Variants in TNRC18 observed in about 807,000 individuals in gnomAD.
TNRC18 encodes trinucleotide repeat containing 18.
A neutral mutation model predicts 226.7 loss-of-function variants in TNRC18; 69 were observed. That is an observed-to-expected ratio of 0.30 (90% CI 0.25 to 0.37). TNRC18 has a LOEUF of 0.37. TNRC18 is among the 10% of genes least tolerant of loss of function. The probability of loss-of-function intolerance (pLI) is 1.00; values close to 1 mark genes in which losing one functional copy is unlikely to be tolerated. For missense variants in TNRC18, 4,754 were observed against 4,256.6 expected (o/e 1.12, Z -3.25); for synonymous variants, 2,449 against 1,927.6 (o/e 1.27, Z -7.09).
chr7:5,318,302 A>C (rs1367089394), intron 24 of TNRC18, among the ~76,000 whole-genome samples: 1 of 152,194 alleles, frequency 6.6e-6, no homozygotes, highest in Admixed American at 6.6e-5. Context: ...TACAGACGTG[A>C]GCCACCGCAG....
intron 24 of TNRC18, among the ~76,000 whole-genome samples, chr7:5,316,559 G>A (rs1787872189): frequency 1.3e-5 from 2 of 152,230 alleles, no homozygotes; most frequent in South Asian, 4.1e-4. Context: ...GATTACAGGC[G>A]TGAGCCACTG....
chr7:5,395,606 T>A (rs1405557484), intron 2 of TNRC18, among the ~76,000 whole-genome samples: 1 of 152,218 alleles, frequency 6.6e-6, no homozygotes, highest in East Asian at 1.9e-4. Flanking sequence ...GGGCTTCCCT[T>A]ACCAGGTCTC....
In TNRC18 at chr7:5,387,883, G is replaced by A. The variant is rs759240484; in HGVS notation, c.1941C>T (p.Gly647=). Residue 647 remains glycine (G), a synonymous_variant, in exon 5 of 30, where the codon GGC becomes GGT. Coordinates refer to ENST00000430969, the MANE Select transcript of TNRC18 (RefSeq NM_001080495.3). ...CGGGGTCCCGCTTCAGCTGCCGGCC[G>A]CCGCCCGCTGCAGGGCCTCCGGAGT... ...LPHSGGPAAG[G]GRQLKRDPER... The A allele has an allele frequency of 1.7e-5, 27 of 1,589,262 alleles. 1 individual carries two copies. Among genetic ancestry groups the A allele is most frequent in the South Asian group, 2.2e-5 (2 of 89,082 alleles).
rs1230476749 is a variant in TNRC18, at chr7:5,307,106, G to C, written c.*1000C>G. Reference sequence around the variant, plus strand: ...GGGGGTGAGTACAGTACACTTGGTGGGGTGGGCGGGGGGTGTGCTGGGGAC... The same window carrying C: ...GGGGGTGAGTACAGTACACTTGGTGCGGTGGGCGGGGGGTGTGCTGGGGAC... On this transcript the variant is annotated 3_prime_UTR_variant, in exon 30 of 30. Transcript: ENST00000430969. 6.6e-6 allele frequency: 1 copy of C among 151,356 alleles called. No individual in the cohort carries two copies. The highest frequency in any genetic ancestry group is 1.5e-5 in the Non-Finnish European group (1 of 67,844). The allele number at this position is 151,356 out of a possible 1,614,324, so 9.4% of individuals were successfully genotyped here.
chr7:5,370,921 C>G lies in TNRC18; in HGVS notation c.3673G>C (p.Gly1225Arg). ...GGGGAATCCACCCGTGGTTCAGGCC[C>G]CTCCACAAAGTCTGGACACTCAGAG... ...EPSECPDFVE[G>R]PEPRVDSPGR... The change falls in exon 11 of 30, where the codon GGG (glycine) becomes CGG (arginine). Residue 1225 changes from glycine (G) to arginine (R), a missense_variant. Gly to Arg is a moderately radical substitution (Grantham distance 125). Transcript: ENST00000430969. 1 of 1,605,570 alleles carries G rather than the reference C, an allele frequency of 6.2e-7. No homozygotes were observed. Among genetic ancestry groups the G allele is most frequent in the Non-Finnish European group, 8.5e-7 (1 of 1,179,734 alleles).
In TNRC18 at chr7:5,388,443, G is replaced by A. The variant is rs1779989380; in HGVS notation, c.1381C>T (p.Pro461Ser). Reference sequence around the variant, plus strand: ...TCGGGCTTGAGCAGCTCCTTGGCAGGCACGTAGGCGCGGGGGTCCGGGGAG... The same window carrying A: ...TCGGGCTTGAGCAGCTCCTTGGCAGACACGTAGGCGCGGGGGTCCGGGGAG... ...RASPDPRAYV[P>S]AKELLKPEAD... is the part of the protein sequence containing the mutation. Residue 461 changes from proline to serine, a missense_variant, in exon 5 of 30, where the codon CCT becomes TCT. By Grantham distance (74) the Pro-to-Ser change is moderately conservative. Coordinates refer to ENST00000430969, the MANE Select transcript of TNRC18 (RefSeq NM_001080495.3). 1.4e-6 allele frequency: 2 copies of A among 1,460,542 alleles called. No homozygotes were observed. The highest frequency in any genetic ancestry group is 1.3e-5 in the South Asian group (1 of 74,842). 90.5% of individuals were successfully genotyped at this position (1,460,542 alleles called of 1,614,324 possible). A position where few individuals can be genotyped will look rare whatever the true frequency, so the allele number is the denominator to read the frequency against.
rs1454289857 is a variant in TNRC18 at position 5,322,627 on chromosome 7, G to A, written c.6443-1437C>T. Among the ~76,000 whole-genome samples, 5 of 152,090 alleles carry A rather than the reference G, an allele frequency of 3.3e-5. 1 individual carries two copies. The highest frequency in any genetic ancestry group is 3.9e-4 in the East Asian group (2 of 5,180). ...ACTTTCCATCCACTTTTTCTTTCTG[G>A]CGGAAATGAATGCCCGGGGGCAAAC... On this transcript the variant is annotated intron_variant, in intron 21 of 29. Coordinates refer to ENST00000430969, the MANE Select transcript of TNRC18 (RefSeq NM_001080495.3).
intron 19 of TNRC18, among the ~76,000 whole-genome samples, chr7:5,330,413 G>GT (rs577873847): frequency 0.085 from 11,840 of 139,774 alleles, 660 homozygotes; most frequent in Non-Finnish European, 0.12. Context: ...TTTTTTTGTT[G>GT]TTTTTTTTTT....
chr7:5,379,687 G>T (rs1404968720), intron 5 of TNRC18, among the ~76,000 whole-genome samples: 2 of 152,234 alleles, frequency 1.3e-5, no homozygotes, highest in African/African-American at 2.4e-5. Context: ...ATGAGCCAGA[G>T]ATGGGACACA....
chr7:5,346,924 A>G (rs765194807), intron 17 of TNRC18, among the ~76,000 whole-genome samples: 2 of 152,142 alleles, frequency 1.3e-5, no homozygotes, highest in Non-Finnish European at 2.9e-5. Context: ...CCAGGGAGCT[A>G]AAGTCAGCTG....
At chr7:5,365,712 C>T (rs908899784) in intron 11 of TNRC18, among the ~76,000 whole-genome samples, 1 of 152,060 alleles carries the variant, frequency 6.6e-6, no homozygotes, top group Non-Finnish European at 1.5e-5. Flanking sequence ...CCGCAGCCTC[C>T]CAAAGTACTG....
At chr7:5,361,806 G>A (rs922905905) in intron 13 of TNRC18, 84 bp from the exon 14 acceptor site, 70 of 1,524,122 alleles carry the variant, frequency 4.6e-5, no homozygotes, top group Non-Finnish European at 5.8e-5. Flanking sequence ...ACACGGCGCC[G>A]GGTCCACGCA....
At chr7:5,342,426 C>G (rs1156369006) in intron 18 of TNRC18, among the ~76,000 whole-genome samples, 1 of 146,496 alleles carries the variant, frequency 6.8e-6, no homozygotes, top group Non-Finnish European at 1.5e-5. Flanking sequence ...GAGACTCAGT[C>G]TCAAAAAAAA....
At chr7:5,386,116 G>A (rs1167101771) in intron 5 of TNRC18, among the ~76,000 whole-genome samples, 4 of 150,844 alleles carry the variant, frequency 2.7e-5, no homozygotes, top group East Asian at 3.9e-4. Context: ...GTGAAACCCT[G>A]TCTCTACTAA....
rs541066805 is a variant in TNRC18, at chr7:5,371,210, G to C, written c.3384C>G (p.Pro1128=). The C allele has an allele frequency of 1.2e-5, 19 of 1,605,380 alleles. No individual in the cohort carries two copies. Among genetic ancestry groups the C allele is most frequent in the Non-Finnish European group, 1.6e-5 (19 of 1,174,160 alleles). Residue 1128 remains proline, a synonymous_variant, in exon 11 of 30, where the codon CCC becomes CCG. Coordinates refer to ENST00000430969, the MANE Select transcript of TNRC18 (RefSeq NM_001080495.3). ...ADGPERLALS[P]EDKPIRLSPS... Reference sequence around the variant, plus strand: ...GGGACAAGCGGATGGGCTTGTCTTCGGGTGAGAGTGCCAGGCGCTCGGGCC... The same window carrying C: ...GGGACAAGCGGATGGGCTTGTCTTCCGGTGAGAGTGCCAGGCGCTCGGGCC...
chr7:5,356,691 C>T (rs891585057), intron 16 of TNRC18, among the ~76,000 whole-genome samples: 3 of 152,172 alleles, frequency 2.0e-5, no homozygotes, highest in Non-Finnish European at 4.4e-5. Context: ...CAAGCACCTG[C>T]CTGGCATCAC....
chr7:5,346,636 G>A (rs759140406), intron 17 of TNRC18, among the ~76,000 whole-genome samples: 2 of 151,874 alleles, frequency 1.3e-5, no homozygotes, highest in South Asian at 2.1e-4. Flanking sequence ...CAGAGTCCCC[G>A]TGACTAATTT....
At chr7:5,401,386 A>G (rs1781078818) in intron 2 of TNRC18, among the ~76,000 whole-genome samples, 1 of 152,122 alleles carries the variant, frequency 6.6e-6, no homozygotes, top group South Asian at 2.1e-4. Context: ...CCAGATATAC[A>G]GGGAAGACCC....
Position 5,388,652 on chromosome 7 carries a change from G to A in TNRC18, c.1172C>T (p.Ala391Val). ...FDERPGPIQI[A>V]SQARDARARE... Reference sequence around the variant, plus strand: ...GGCCCGGGCATCGCGCGCCTGGGATGCGATCTGGATGGGCCCCGGGCGCTC... The same window carrying A: ...GGCCCGGGCATCGCGCGCCTGGGATACGATCTGGATGGGCCCCGGGCGCTC... The change falls in exon 5 of 30, where the codon GCA (alanine) becomes GTA (valine). Residue 391 changes from alanine to valine, a missense_variant. Coordinates refer to ENST00000430969, the MANE Select transcript of TNRC18 (RefSeq NM_001080495.3). 7.8e-7 allele frequency: 1 copy of A among 1,278,278 alleles called. No individual in the cohort carries two copies. 79.2% of individuals were successfully genotyped at this position (1,278,278 alleles called of 1,614,324 possible). A position where few individuals can be genotyped will look rare whatever the true frequency, so the allele number is the denominator to read the frequency against.
Sources: gnomAD v4.1 joint callset for allele counts (sites outside exome capture counted in the v4.1 genomes callset) on GRCh38, gnomAD v4.1.1 for gene constraint, MANE v1.5 for transcripts, NCBI Gene and HGNC (gene_info 2026-07-23, HGNC 2026-07-21) for gene names.